The following CAST variants were observed in gnomAD, a reference collection of about 807,000 sequenced individuals.
The protein encoded by CAST is MIR583 host.
Under a neutral mutation model 119.6 loss-of-function variants are expected in CAST, and 76 were observed. The observed-to-expected ratio is 0.64, with a 90% confidence interval of 0.53 to 0.77. CAST has a LOEUF of 0.77. CAST is among the 30% of genes least tolerant of loss of function. The probability of loss-of-function intolerance (pLI) is 0.00; values close to 1 mark genes in which losing one functional copy is unlikely to be tolerated. For synonymous variants in CAST, 319 were observed against 331.6 expected, an observed-to-expected ratio of 0.96 and a Z score of 0.41; for missense variants, 953 against 946.5, an observed-to-expected ratio of 1.01 and a Z score of -0.09.
At chr5:96,503,493 G>C in the CAST span, among the ~76,000 whole-genome samples, 1 of 152,114 alleles carries the variant, frequency 6.6e-6, no homozygotes, top group Admixed American at 6.5e-5. Context: ...GAAGAAAGGG[G>C]GAAAGAAAGC....
intron 1 of CAST, among the ~76,000 whole-genome samples, chr5:96,599,973 A>AAAAAAG (rs1554070019): frequency 2.2e-5 from 2 of 90,082 alleles, no homozygotes; most frequent in Admixed American, 1.0e-4. Flanking sequence ...AGGCAAAAAA[A>AAAAAAG]AAAAAAAAAA....
Position 96,767,890 on chromosome 5 carries a change from T to A in CAST, c.2176-17T>A. 1 of 1,565,350 alleles carries A rather than the reference T, an allele frequency of 6.4e-7. No homozygotes were observed. The highest frequency in any genetic ancestry group is 1.1e-5 in the South Asian group (1 of 90,064). The stretch of plus-strand genomic sequence containing the variant: ...CTTCTGCTTCTTCACTGATGGTTAT[T>A]TCTACTCATATCTCAGAAACCTGCA... On this transcript the variant is annotated splice_polypyrimidine_tract_variant and intron_variant, in intron 28 of 31. Transcript: ENST00000675179.
chr5:96,137,081 AC>A, the CAST span, among the ~76,000 whole-genome samples: 1 of 152,156 alleles, frequency 6.6e-6, no homozygotes, highest in African/African-American at 2.4e-5. Flanking sequence ...CTTAAGGTTT[AC>A]CCTTTGTGCT....
the CAST span, among the ~76,000 whole-genome samples, chr5:96,186,521 C>A: frequency 2.0e-5 from 3 of 152,162 alleles, no homozygotes; most frequent in Non-Finnish European, 4.4e-5. Context: ...ATGTGTGTTC[C>A]TTCAATACCT....
the CAST span, among the ~76,000 whole-genome samples, chr5:96,245,101 A>C: frequency 4.1e-4 from 63 of 152,318 alleles, 1 homozygote; most frequent in African/African-American, 1.5e-3. Flanking sequence ...AGTCCATCCT[A>C]CTCAAATCAC....
the CAST span, among the ~76,000 whole-genome samples, chr5:96,453,203 A>C: frequency 1.3e-5 from 2 of 152,202 alleles, no homozygotes; most frequent in Non-Finnish European, 2.9e-5. Flanking sequence ...GCTACTCGAA[A>C]ATGCCAATTG....
the CAST span, among the ~76,000 whole-genome samples, chr5:96,503,506 T>C: frequency 8.5e-5 from 13 of 152,186 alleles, no homozygotes; most frequent in Non-Finnish European, 2.9e-5. Flanking sequence ...AAGAAAGCTC[T>C]TACCCACCTC....
chr5:96,533,917 C>T (rs1400410642), intron 1 of CAST, among the ~76,000 whole-genome samples: 5 of 152,102 alleles, frequency 3.3e-5, no homozygotes, highest in Non-Finnish European at 7.3e-5. Context: ...TGGACAATTG[C>T]TAGACTATGG....
chr5:96,199,166 C>T, the CAST span, among the ~76,000 whole-genome samples: 1 of 152,170 alleles, frequency 6.6e-6, no homozygotes, highest in African/African-American at 2.4e-5. Flanking sequence ...GAGAGATTCT[C>T]TTTAAATTTG....
At chr5:96,755,828 T>C (rs1230863590) in intron 22 of CAST, among the ~76,000 whole-genome samples, 3 of 152,202 alleles carry the variant, frequency 2.0e-5, no homozygotes, top group African/African-American at 7.2e-5. Context: ...TAATTTGGGC[T>C]CATTTGTACA....
the CAST span, among the ~76,000 whole-genome samples, chr5:96,082,007 G>A: frequency 2.0e-5 from 3 of 152,106 alleles, no homozygotes; most frequent in Non-Finnish European, 2.9e-5. Flanking sequence ...TCTGCCTCCT[G>A]GGTTCAGGCG....
At chr5:96,632,138 A>G (rs1000442636) in intron 1 of CAST, among the ~76,000 whole-genome samples, 2 of 151,640 alleles carry the variant, frequency 1.3e-5, no homozygotes, top group Admixed American at 1.3e-4. Context: ...TTTGTATAGT[A>G]TATATTCTTT....
chr5:96,741,348 C>G lies in CAST; in HGVS notation c.1001C>G (p.Thr334Ser), dbSNP rs1310956870. 1 of 1,607,226 alleles carries G rather than the reference C, an allele frequency of 6.2e-7. No homozygotes were observed. Among genetic ancestry groups the G allele is most frequent in the East Asian group, 2.2e-5 (1 of 44,858 alleles). Residue 334 changes from threonine (T) to serine (S), a missense_variant, in exon 14 of 32, where the codon ACT becomes AGT. Physicochemically the swap from Thr to Ser is moderately conservative, Grantham distance 58. Coordinates refer to ENST00000675179, the MANE Select transcript of CAST (RefSeq NM_001750.7). Reference sequence around the variant, plus strand: ...TCGCCTACAGCTGCTGGAAAGAAAACTGAAAAAGAGGTATTGTTTTTAGTG... The same window carrying G: ...TCGCCTACAGCTGCTGGAAAGAAAAGTGAAAAAGAGGTATTGTTTTTAGTG... ...CGSPTAAGKK[T>S]EKEESTEVLK...
intron 1 of CAST, among the ~76,000 whole-genome samples, chr5:96,541,995 C>T (rs1231924412): frequency 6.6e-6 from 1 of 152,118 alleles, no homozygotes; most frequent in Non-Finnish European, 1.5e-5. Flanking sequence ...AGTGCAATTG[C>T]GGGATCATAT....
rs59338324 is a variant in CAST at position 96,765,327 on chromosome 5, TAAAAAAAAA to T, written c.2037+20_2037+28del. On this transcript the variant is annotated splice_donor_5th_base_variant and intron_variant, in intron 26 of 31. Coordinates refer to ENST00000675179, the MANE Select transcript of CAST (RefSeq NM_001750.7). ...AAACCAATGGAAGATAAAGTAAAGG[TAAAAAAAAA>T]AAAAAAAAAAAAAAAAATTCACTAA... 1.7e-4 allele frequency: 86 copies of T among 512,116 alleles called. No individual in the cohort carries two copies. The highest frequency in any genetic ancestry group is 4.8e-4 in the Admixed American group (11 of 22,746). 31.7% of individuals were successfully genotyped at this position (512,116 alleles called of 1,614,324 possible). A position where few individuals can be genotyped will look rare whatever the true frequency, so the allele number is the denominator to read the frequency against.
chr5:96,038,562 C>T, the CAST span, among the ~76,000 whole-genome samples: 1 of 149,538 alleles, frequency 6.7e-6, no homozygotes, highest in South Asian at 2.2e-4. Flanking sequence ...TGATATTCCC[C>T]TCCCTGTGTC....
the CAST span, among the ~76,000 whole-genome samples, chr5:96,252,672 A>G: frequency 2.0e-5 from 3 of 152,180 alleles, no homozygotes; most frequent in African/African-American, 7.2e-5. Flanking sequence ...ATTTTAATGA[A>G]TGAATTATTT....
intron 1 of CAST, among the ~76,000 whole-genome samples, chr5:96,560,521 C>T (rs986043046): frequency 2.0e-5 from 3 of 152,040 alleles, no homozygotes; most frequent in Non-Finnish European, 4.4e-5. Flanking sequence ...AAAAAACAAC[C>T]CCATCAAAAA....
the CAST span, among the ~76,000 whole-genome samples, chr5:96,208,125 A>ATTT: frequency 9.9e-3 from 1,314 of 132,602 alleles, 22 homozygotes; most frequent in African/African-American, 0.034. Flanking sequence ...ATAGCCTCTG[A>ATTT]TTTTTTTTTT....
Sources: gnomAD v4.1 joint callset for allele counts (sites outside exome capture counted in the v4.1 genomes callset) on GRCh38, gnomAD v4.1.1 for gene constraint, MANE v1.5 for transcripts, NCBI Gene and HGNC (gene_info 2026-07-23, HGNC 2026-07-21) for gene names.